The following RND1 variants were observed in gnomAD, a reference collection of about 807,000 sequenced individuals.
The protein encoded by RND1 is Rho family GTPase 1.
Under a neutral mutation model 27.1 loss-of-function variants are expected in RND1, and 9 were observed. The ratio of observed to expected loss-of-function variants is 0.33; its 90% CI spans 0.20 to 0.58. The LOEUF (loss-of-function observed/expected upper bound fraction) is 0.58. Among genes scored for constraint, RND1 ranks in the 20% least tolerant of loss-of-function variants. The pLI is 0.86. For missense variants in RND1, 253 were observed against 292.2 expected (o/e 0.87, Z 0.98); for synonymous variants, 108 against 115.7 (o/e 0.93, Z 0.43).
intron 1 of RND1, 97 bp downstream of exon 1, chr12:48,865,545 TGGGCTG>T: frequency 7.4e-7 from 1 of 1,354,870 alleles, no homozygotes; most frequent in Non-Finnish European, 1.0e-6. Context: ...CGGCTGAGGA[TGGGCTG>T]GGGCTGGGGG....
intron 2 of RND1, among the ~76,000 whole-genome samples, chr12:48,862,441 CAG>C (rs951023108): frequency 2.6e-5 from 4 of 152,206 alleles, no homozygotes; most frequent in African/African-American, 9.7e-5. Flanking sequence ...TCCAGCCCTG[CAG>C]AGAGACAGCA....
At chr12:48,860,717 G>A (rs1316412091) in intron 4 of RND1, among the ~76,000 whole-genome samples, 1 of 151,586 alleles carries the variant, frequency 6.6e-6, no homozygotes, top group Non-Finnish European at 1.5e-5. Context: ...TTTTTTGTGT[G>A]TGTGAAATTC....
At chr12:48,860,917 G>A in intron 4 of RND1, 80 bp downstream of exon 4, 2 of 1,590,104 alleles carry the variant, frequency 1.3e-6, no homozygotes, top group Non-Finnish European at 1.7e-6. Context: ...GGAAGAATTT[G>A]AGCCAGGGCC....
chr12:48,858,105 T>C lies in RND1; in HGVS notation c.590A>G (p.Lys197Arg). The C allele has an allele frequency of 1.9e-6, 3 of 1,614,230 alleles. No homozygotes were observed. The highest frequency in any genetic ancestry group is 2.5e-6 in the Non-Finnish European group (3 of 1,180,036). ...CLNKPSPLPQ[K>R]SPVRSLSKRL... is the part of the protein sequence containing the mutation. ...TTTGGAGAGGCTTCGGACAGGGCTC[T>C]TCTGGGGCAGTGGGCTAGGCTTGTT... Residue 197 changes from lysine (K) to arginine (R), a missense_variant, in exon 5 of 5, where the codon AAG becomes AGG. Lys to Arg is a conservative substitution (Grantham distance 26, BLOSUM62 2). Transcript: ENST00000309739.
intron 4 of RND1, 165 bp from the exon 5 acceptor site, chr12:48,858,406 T>TTG: frequency 5.7e-6 from 4 of 699,560 alleles, no homozygotes; most frequent in Non-Finnish European, 9.0e-6. Flanking sequence ...TTTTTTTTTT[T>TTG]TGGCATACAC....
At chr12:48,860,557 A>ATTTTT (rs34655698) in intron 4 of RND1, among the ~76,000 whole-genome samples, 11 of 70,638 alleles carry the variant, frequency 1.6e-4, no homozygotes, top group African/African-American at 2.4e-4. Flanking sequence ...ACACCCAGCT[A>ATTTTT]TTTTTTTTTT....
chr12:48,863,777 T>A (rs1938949135), intron 2 of RND1, among the ~76,000 whole-genome samples: 2 of 152,174 alleles, frequency 1.3e-5, no homozygotes, highest in South Asian at 2.1e-4. Flanking sequence ...AGCATATTTA[T>A]TATATGTAGC....
rs1400896638 is a variant in RND1, at chr12:48,864,863, A to C, written c.128T>G (p.Val43Gly). Residue 43 changes from valine (V) to glycine (G), a missense_variant, in exon 2 of 5, where the codon GTG (valine) becomes GGG (glycine). Transcript: ENST00000309739. ...TGTGTAATTTTCGAACACGGTGGGC[A>C]CATAGGTCTGTGAAAAGAGAGGAAA... is the stretch of plus-strand genomic sequence containing the variant. ...LAKDCYPETY[V>G]PTVFENYTAC... The C allele has an allele frequency of 6.2e-7, 1 of 1,613,374 alleles. No homozygotes were observed. The highest frequency in any genetic ancestry group is 1.1e-5 in the South Asian group (1 of 91,070).
At chr12:48,862,300 T>A in intron 2 of RND1, 182 bp from the exon 3 acceptor site, 1 of 549,774 alleles carries the variant, frequency 1.8e-6, no homozygotes, top group Non-Finnish European at 3.2e-6. Context: ...TGAAAGAATA[T>A]CATCCCCCTT....
At chr12:48,858,817 T>G (rs1463712087) in intron 4 of RND1, 5 of 143,554 alleles carry the variant, frequency 3.5e-5, no homozygotes, top group Non-Finnish European at 6.0e-5. Flanking sequence ...TGCACTGTAG[T>G]GAGCTAGGAT....
intron 2 of RND1, among the ~76,000 whole-genome samples, chr12:48,862,520 G>A (rs1938930982): frequency 6.6e-6 from 1 of 152,028 alleles, no homozygotes; most frequent in Non-Finnish European, 1.5e-5. Context: ...CTGCTCCAGG[G>A]TCTCCCCAGT....
At position 48,857,559 on chromosome 12, in the gene RND1, C is replaced by G. The variant is rs973723967; in HGVS notation, c.*437G>C. 3 of 156,250 alleles carry G rather than the reference C, an allele frequency of 1.9e-5. No homozygotes were observed. Among genetic ancestry groups the G allele is most frequent in the African/African-American group, 7.2e-5 (3 of 41,508 alleles). 9.7% of individuals were successfully genotyped at this position (156,250 alleles called of 1,614,324 possible). A position where few individuals can be genotyped will look rare whatever the true frequency, so the allele number is the denominator to read the frequency against. On this transcript the variant is annotated 3_prime_UTR_variant, in exon 5 of 5. Transcript: ENST00000309739. ...CCAAGGGAGCTGCCGCTCCACTTCCCCACTCTCCGTTGCTGCCTCCTTAGA... is the reference window on the plus strand; with the variant it reads ...CCAAGGGAGCTGCCGCTCCACTTCCGCACTCTCCGTTGCTGCCTCCTTAGA...
At chr12:48,862,850 C>G (rs1054019415) in intron 2 of RND1, among the ~76,000 whole-genome samples, 1 of 152,122 alleles carries the variant, frequency 6.6e-6, no homozygotes, top group Non-Finnish European at 1.5e-5. Flanking sequence ...TGAGCCTGCC[C>G]CCTCCACCCT....
In RND1 at chr12:48,858,087, A is replaced by G; in HGVS notation, c.608T>C (p.Leu203Pro). ...PLPQKSPVRS[L>P]SKRLLHLPSR... Reference sequence around the variant, plus strand: ...GGGGAGGTGGAGCAGTCGTTTGGAGAGGCTTCGGACAGGGCTCTTCTGGGG... The same window carrying G: ...GGGGAGGTGGAGCAGTCGTTTGGAGGGGCTTCGGACAGGGCTCTTCTGGGG... The change falls in exon 5 of 5, where the codon CTC becomes CCC. Residue 203 changes from leucine to proline, a missense_variant. Coordinates refer to ENST00000309739, the MANE Select transcript of RND1 (RefSeq NM_014470.4). 6.2e-7 allele frequency: 1 copy of G among 1,614,142 alleles called. No individual in the cohort carries two copies. Among genetic ancestry groups the G allele is most frequent in the Non-Finnish European group, 8.5e-7 (1 of 1,180,010 alleles).
At chr12:48,859,603 C>T (rs1938891789) in intron 4 of RND1, among the ~76,000 whole-genome samples, 1 of 151,860 alleles carries the variant, frequency 6.6e-6, no homozygotes. Context: ...ATGCAGATTC[C>T]AGGCCAGGTG....
At position 48,865,793 on chromosome 12, in the gene RND1, C is replaced by G; in HGVS notation, c.-26G>C. On this transcript the variant is annotated 5_prime_UTR_variant, in exon 1 of 5. Coordinates refer to ENST00000309739, the MANE Select transcript of RND1 (RefSeq NM_014470.4). ...GGTTGCAGTGTCCGCGGGACTTGAA[C>G]TTCGATTCAGAAGGGAGGGTTGCGC... is the stretch of plus-strand genomic sequence containing the variant. 1 of 1,564,410 alleles carries G rather than the reference C, an allele frequency of 6.4e-7. No individual in the cohort carries two copies. The highest frequency in any genetic ancestry group is 8.7e-7 in the Non-Finnish European group (1 of 1,149,210).
intron 2 of RND1, among the ~76,000 whole-genome samples, chr12:48,863,056 T>C (rs971540060): frequency 6.6e-6 from 1 of 151,818 alleles, no homozygotes; most frequent in Non-Finnish European, 1.5e-5. Context: ...TCCATCCCTT[T>C]CTGAGGTGGG....
chr12:48,862,913 C>T (rs1017895764), intron 2 of RND1, among the ~76,000 whole-genome samples: 1 of 152,086 alleles, frequency 6.6e-6, no homozygotes, highest in Non-Finnish European at 1.5e-5. Flanking sequence ...CTCAGAATAG[C>T]AAGCAGCCCC....
rs908896684 is a variant in RND1, at chr12:48,865,843, A to T, written c.-76T>A. ...CCAGGTGCGTCTCAGCACGCCAATC[A>T]AGCCAGATTCCCTGCCTCCCTCCAA... On this transcript the variant is annotated 5_prime_UTR_variant, in exon 1 of 5. Transcript: ENST00000309739. The T allele has an allele frequency of 1.4e-5, 21 of 1,515,242 alleles. No homozygotes were observed. In the African/African-American group the frequency reaches 1.5e-4, roughly 11 times the overall value. The allele number at this position is 1,515,242 out of a possible 1,614,324, so 93.9% of individuals were successfully genotyped here.
Sources: allele counts gnomAD v4.1 joint callset (sites outside exome capture counted in the v4.1 genomes callset), GRCh38; gene constraint gnomAD v4.1.1; transcripts MANE v1.5; gene names NCBI Gene and HGNC (gene_info 2026-07-23, HGNC 2026-07-21).